Variants in CSNK2A2IP observed in about 807,000 individuals in gnomAD.
CSNK2A2IP encodes casein kinase 2 subunit alpha' interacting protein.
At chr3:88,342,066 A>G in the CSNK2A2IP span, among the ~76,000 whole-genome samples, 1 of 152,054 alleles carries the variant, frequency 6.6e-6, no homozygotes, top group Non-Finnish European at 1.5e-5. Context: ...TTTTATTTGT[A>G]TGTGTGTATG....
chr3:88,364,600 G>A, the CSNK2A2IP span, among the ~76,000 whole-genome samples: 4 of 152,042 alleles, frequency 2.6e-5, no homozygotes, highest in Admixed American at 6.6e-5. Context: ...GGTAATACAT[G>A]TTGTCGATAT....
the CSNK2A2IP span, among the ~76,000 whole-genome samples, chr3:88,367,268 G>A: frequency 9.2e-5 from 14 of 152,012 alleles, no homozygotes; most frequent in Non-Finnish European, 1.8e-4. Flanking sequence ...TAGTTTTGGG[G>A]GAAGCCAAAG....
chr3:88,384,933 T>C, the CSNK2A2IP span, among the ~76,000 whole-genome samples: 1 of 152,030 alleles, frequency 6.6e-6, no homozygotes, highest in African/African-American at 2.4e-5. Context: ...TGGGGAGACA[T>C]GAGAAGAGGG....
chr3:88,395,298 A>G, the CSNK2A2IP span, among the ~76,000 whole-genome samples: 2 of 152,194 alleles, frequency 1.3e-5, no homozygotes, highest in East Asian at 1.9e-4. Flanking sequence ...AAAAGTTTAT[A>G]GTGTTAGCAT....
At chr3:88,414,193 A>G in the CSNK2A2IP span, among the ~76,000 whole-genome samples, 1 of 147,246 alleles carries the variant, frequency 6.8e-6, no homozygotes, top group African/African-American at 2.5e-5. Flanking sequence ...TAACATATAT[A>G]TGTATATATA....
the CSNK2A2IP span, among the ~76,000 whole-genome samples, chr3:88,462,011 G>T: frequency 2.9e-3 from 437 of 151,666 alleles, 2 homozygotes; most frequent in African/African-American, 9.9e-3. Context: ...TAGCCATTTG[G>T]ATATCCTTGT....
the CSNK2A2IP span, among the ~76,000 whole-genome samples, chr3:88,367,472 A>T: frequency 6.6e-6 from 1 of 152,138 alleles, no homozygotes; most frequent in African/African-American, 2.4e-5. Context: ...TTATTGTCCT[A>T]CAATATTTGT....
chr3:88,466,229 G>T, the CSNK2A2IP span: 1 of 1,231,594 alleles, frequency 8.1e-7, no homozygotes, highest in Non-Finnish European at 1.0e-6. Flanking sequence ...CCCACTATTG[G>T]AGGCTTACCA....
the CSNK2A2IP span, among the ~76,000 whole-genome samples, chr3:88,394,686 TC>T: frequency 1.3e-5 from 2 of 152,258 alleles, no homozygotes; most frequent in Admixed American, 1.3e-4. Context: ...AATTTGCATT[TC>T]TAAGATGGCT....
At chr3:88,372,856 T>C in the CSNK2A2IP span, among the ~76,000 whole-genome samples, 2 of 151,474 alleles carry the variant, frequency 1.3e-5, no homozygotes, top group African/African-American at 4.8e-5. Flanking sequence ...TCACATTAAA[T>C]AGATTTAACA....
At chr3:88,425,601 G>T in the CSNK2A2IP span, among the ~76,000 whole-genome samples, 679 of 152,168 alleles carry the variant, frequency 4.5e-3, 2 homozygotes, top group Non-Finnish European at 7.8e-3. Context: ...AATTCTAACT[G>T]TGTTAAATAG....
At chr3:88,392,459 A>T in the CSNK2A2IP span, among the ~76,000 whole-genome samples, 1 of 152,232 alleles carries the variant, frequency 6.6e-6, no homozygotes, top group Non-Finnish European at 1.5e-5. Context: ...TTGATGGAAA[A>T]GAAAGAACAA....
the CSNK2A2IP span, chr3:88,465,578 A>G: frequency 8.1e-7 from 1 of 1,231,632 alleles, no homozygotes; most frequent in Non-Finnish European, 1.0e-6. Flanking sequence ...CCTTCTCCCA[A>G]ATCTCAGGAC....
chr3:88,357,702 C>G, the CSNK2A2IP span, among the ~76,000 whole-genome samples: 1 of 151,358 alleles, frequency 6.6e-6, no homozygotes, highest in African/African-American at 2.4e-5. Flanking sequence ...TTGATTCTTC[C>G]AATTAATGAA....
At chr3:88,413,919 C>T in the CSNK2A2IP span, among the ~76,000 whole-genome samples, 5 of 151,562 alleles carry the variant, frequency 3.3e-5, no homozygotes, top group African/African-American at 1.2e-4. Flanking sequence ...AAGATAATTT[C>T]CTTAATAGAA....
the CSNK2A2IP span, among the ~76,000 whole-genome samples, chr3:88,435,918 TAA>T: frequency 1.1e-5 from 1 of 94,598 alleles, no homozygotes; most frequent in South Asian, 3.0e-4. Flanking sequence ...ATTATATATA[TAA>T]TGCACATTAT....
the CSNK2A2IP span, among the ~76,000 whole-genome samples, chr3:88,446,712 G>A: frequency 6.6e-6 from 1 of 152,156 alleles, no homozygotes; most frequent in Non-Finnish European, 1.5e-5. Context: ...CCACTTATGA[G>A]ATGGTGAATG....
the CSNK2A2IP span, among the ~76,000 whole-genome samples, chr3:88,397,219 T>G: frequency 6.6e-6 from 1 of 152,200 alleles, no homozygotes; most frequent in Non-Finnish European, 1.5e-5. Context: ...CCACTCTCAA[T>G]TCTTGTTCTT....
chr3:88,444,836 C>T, the CSNK2A2IP span, among the ~76,000 whole-genome samples: 2 of 152,154 alleles, frequency 1.3e-5, no homozygotes, highest in Non-Finnish European at 2.9e-5. Flanking sequence ...GTGTAATCAA[C>T]AGTTCCCTTA....
Sources: gnomAD v4.1 joint callset for allele counts (sites outside exome capture counted in the v4.1 genomes callset) on GRCh38, gnomAD v4.1.1 for gene constraint, MANE v1.5 for transcripts, NCBI Gene and HGNC (gene_info 2026-07-23, HGNC 2026-07-21) for gene names.